The following P3H2 variants were observed in gnomAD, a reference collection of about 807,000 sequenced individuals.
The protein encoded by P3H2 is leprecan-like 1.
In P3H2, 80 loss-of-function variants were observed where a neutral mutation model predicts 87.0. The ratio of observed to expected loss-of-function variants is 0.92; its 90% CI spans 0.77 to 1.11. The LOEUF is 1.11. Among genes scored for constraint, P3H2 ranks in the 50% least tolerant of loss-of-function variants. The probability of loss-of-function intolerance (pLI) is 0.00; values close to 1 mark genes in which losing one functional copy is unlikely to be tolerated. For synonymous variants in P3H2, 367 were observed against 359.3 expected (o/e 1.02, Z -0.24); for missense variants, 1,001 against 923.9 (o/e 1.08, Z -1.08).
intron 1 of P3H2, among the ~76,000 whole-genome samples, chr3:190,077,819 A>T (rs2108977260): frequency 6.6e-6 from 1 of 152,352 alleles, no homozygotes; most frequent in East Asian, 1.9e-4. Flanking sequence ...CTCACTTAAG[A>T]ACAAAGCTCT....
At chr3:190,061,886 T>C (rs1726342460) in intron 1 of P3H2, among the ~76,000 whole-genome samples, 1 of 152,182 alleles carries the variant, frequency 6.6e-6, no homozygotes, top group African/African-American at 2.4e-5. Flanking sequence ...AGGCTTTTGT[T>C]TCTTTTCTTG....
chr3:190,021,143 C>A (rs1422314965), intron 1 of P3H2, among the ~76,000 whole-genome samples: 1 of 134,530 alleles, frequency 7.4e-6, no homozygotes, highest in Non-Finnish European at 1.7e-5. Context: ...TACAAAGCAG[C>A]CACCATGAAC....
chr3:189,980,055 G>A (rs924664728), intron 8 of P3H2, among the ~76,000 whole-genome samples: 3 of 152,136 alleles, frequency 2.0e-5, no homozygotes, highest in Non-Finnish European at 4.4e-5. Context: ...TCCATATCAC[G>A]CATGTTTCAT....
chr3:189,969,179 C>T, intron 13 of P3H2: 1 of 670,884 alleles, frequency 1.5e-6, no homozygotes. Context: ...ACCAAAACTG[C>T]TTCCTCGTGC....
At chr3:189,969,417 G>A (rs552038392) in intron 13 of P3H2, 56 of 806,674 alleles carry the variant, frequency 6.9e-5, no homozygotes, top group South Asian at 5.8e-4. Context: ...CTATAAGAAC[G>A]TCTCTCGTTT....
chr3:189,958,104 G>T, intron 14 of P3H2, 100 bp from the exon 15 acceptor site: 3 of 830,244 alleles, frequency 3.6e-6, no homozygotes, highest in Non-Finnish European at 2.1e-6. Context: ...CTGTACATGG[G>T]TTGATGCTAT....
intron 1 of P3H2, among the ~76,000 whole-genome samples, chr3:189,999,330 GA>G (rs1480932406): frequency 6.6e-6 from 1 of 152,170 alleles, no homozygotes; most frequent in Non-Finnish European, 1.5e-5. Context: ...AAAACTTCAT[GA>G]ACTGGCCCTG....
chr3:190,023,436 G>A lies in P3H2; in HGVS notation c.481-27994C>T, dbSNP rs539455895. On this transcript the variant is annotated intron_variant, in intron 1 of 14. Coordinates refer to ENST00000319332, the MANE Select transcript of P3H2 (RefSeq NM_018192.4). ...AGAAGCCTCAGGAAACTTACAACCA[G>A]GGAGGATGGCGAAGGGGAAGCAATG... is the stretch of plus-strand genomic sequence containing the variant. 3.3e-5 allele frequency among the ~76,000 whole-genome samples: 5 copies of A among 152,326 alleles called. No individual in the cohort carries two copies. In the South Asian group the frequency reaches 8.3e-4, roughly 25 times the overall value.
chr3:190,047,041 C>CA (rs141935082), intron 1 of P3H2, among the ~76,000 whole-genome samples: 28,596 of 84,726 alleles, frequency 0.34, 3,970 homozygotes, highest in African/African-American at 0.53. Context: ...GCAAACAAAA[C>CA]AAAACAAAAA....
At chr3:189,959,587 T>G (rs185250380) in intron 14 of P3H2, among the ~76,000 whole-genome samples, 168 of 152,074 alleles carry the variant, frequency 1.1e-3, no homozygotes, top group Non-Finnish European at 1.8e-3. Flanking sequence ...TATTCCAACT[T>G]CTTAACTTAC....
At chr3:190,030,024 G>GA (rs1353413544) in intron 1 of P3H2, among the ~76,000 whole-genome samples, 2 of 150,320 alleles carry the variant, frequency 1.3e-5, no homozygotes, top group Non-Finnish European at 3.0e-5. Flanking sequence ...GAAAAAAAAA[G>GA]AAAAAAAGAT....
chr3:190,006,360 A>C (rs1378817596), intron 1 of P3H2, among the ~76,000 whole-genome samples: 2 of 152,258 alleles, frequency 1.3e-5, no homozygotes, highest in Non-Finnish European at 2.9e-5. Context: ...TACCTCTTCG[A>C]TTAAAACAAA....
At chr3:189,972,092 C>T (rs1723195502) in intron 11 of P3H2, 85 bp from the exon 12 acceptor site, 1 of 848,532 alleles carries the variant, frequency 1.2e-6, no homozygotes, top group South Asian at 1.4e-5. Flanking sequence ...TTCTCCCAGT[C>T]CTGATGATCT....
chr3:190,088,487 T>C (rs1036971612), intron 1 of P3H2, among the ~76,000 whole-genome samples: 3 of 152,204 alleles, frequency 2.0e-5, no homozygotes, highest in Non-Finnish European at 2.9e-5. Context: ...TAGATCTCTC[T>C]TGTATTTAGG....
At chr3:190,014,447 G>A (rs1560362646) in intron 1 of P3H2, among the ~76,000 whole-genome samples, 1 of 152,188 alleles carries the variant, frequency 6.6e-6, no homozygotes. Flanking sequence ...GGCAGCTTAA[G>A]GTGAAAAGGT....
At chr3:189,959,305 G>A (rs1722737578) in intron 14 of P3H2, among the ~76,000 whole-genome samples, 1 of 150,062 alleles carries the variant, frequency 6.7e-6, no homozygotes, top group Non-Finnish European at 1.5e-5. Context: ...TGCACAATGT[G>A]CAGGTTAGTT....
At chr3:190,012,543 T>A (rs1724627444) in intron 1 of P3H2, among the ~76,000 whole-genome samples, 1 of 152,214 alleles carries the variant, frequency 6.6e-6, no homozygotes, top group East Asian at 1.9e-4. Context: ...CTGATGAATT[T>A]TGTCTCAGTT....
At chr3:190,002,782 C>A (rs1724258064) in intron 1 of P3H2, among the ~76,000 whole-genome samples, 1 of 152,210 alleles carries the variant, frequency 6.6e-6, no homozygotes, top group Admixed American at 6.5e-5. Context: ...TTTCAAAAAT[C>A]TAACTATACA....
chr3:190,015,270 C>T (rs1168521260), intron 1 of P3H2, among the ~76,000 whole-genome samples: 1 of 152,138 alleles, frequency 6.6e-6, no homozygotes, highest in Non-Finnish European at 1.5e-5. Context: ...GCCTAGGACA[C>T]ATGATTTTTA....
Sources: allele counts gnomAD v4.1 joint callset (sites outside exome capture counted in the v4.1 genomes callset), GRCh38; gene constraint gnomAD v4.1.1; transcripts MANE v1.5; gene names NCBI Gene and HGNC (gene_info 2026-07-23, HGNC 2026-07-21).